DACH2: variants seen among roughly 807,000 people sequenced by gnomAD.
DACH2 encodes the protein dachshund family transcription factor 2.
A neutral mutation model predicts 35.8 loss-of-function variants in DACH2; 17 were observed. That is an observed-to-expected ratio of 0.48 (90% confidence interval 0.33 to 0.71). DACH2 has a LOEUF of 0.71. Among genes scored for constraint, DACH2 ranks in the 30% least tolerant of loss-of-function variants. The pLI, the probability that DACH2 is intolerant of heterozygous loss-of-function variation, is 0.02. For missense variants in DACH2, 469 were observed against 472.7 expected (o/e 0.99, Z 0.07); for synonymous variants, 195 against 177.3 (o/e 1.10, Z -0.79).
At chrX:86,429,701 C>T (rs1347829103) in intron 2 of DACH2, among the ~76,000 whole-genome samples, 4 of 109,917 alleles carry the variant, frequency 3.6e-5, no homozygotes, top group African/African-American at 6.6e-5. Flanking sequence ...GCTGGGATTA[C>T]GGGTGTGTGC....
chrX:86,749,693 T>A (rs2041751432), intron 7 of DACH2, among the ~76,000 whole-genome samples: 1 of 111,124 alleles, frequency 9.0e-6, no homozygotes, highest in African/African-American at 3.3e-5. Context: ...AGAGACAAAA[T>A]GTGAACAAGT....
chrX:86,181,607 C>T lies in DACH2; in HGVS notation c.488+32499C>T, dbSNP rs191413525. On this transcript the variant is annotated intron_variant, in intron 1 of 11. Coordinates refer to ENST00000373125, the MANE Select transcript of DACH2 (RefSeq NM_053281.3). Reference sequence around the variant, plus strand: ...TCATTGATGGGCATTTGGGTTGGTTCCAAGTCTTTGCTATTGTGAACAGTG... The same window carrying T: ...TCATTGATGGGCATTTGGGTTGGTTTCAAGTCTTTGCTATTGTGAACAGTG... 1.1e-4 allele frequency among the ~76,000 whole-genome samples: 12 copies of T among 111,352 alleles called. No individual in the cohort carries two copies. The East Asian group carries it at 3.4e-3, about 32-fold the overall frequency.
intron 3 of DACH2, among the ~76,000 whole-genome samples, chrX:86,522,198 G>A (rs2038564856): frequency 9.0e-6 from 1 of 111,402 alleles, no homozygotes; most frequent in Non-Finnish European, 1.9e-5. Flanking sequence ...AAAGTCTCTG[G>A]TATTAGTAAG....
intron 2 of DACH2, among the ~76,000 whole-genome samples, chrX:86,395,062 T>A (rs989795878): frequency 8.9e-6 from 1 of 111,864 alleles, no homozygotes; most frequent in Non-Finnish European, 1.9e-5. Flanking sequence ...TAAGTGCACA[T>A]CTTAGGGAAA....
chrX:86,724,835 G>T (rs2041446935), intron 6 of DACH2, among the ~76,000 whole-genome samples: 1 of 110,024 alleles, frequency 9.1e-6, no homozygotes, highest in Non-Finnish European at 1.9e-5. Flanking sequence ...CTTAAGTTTG[G>T]TTGCTTTATG....
At chrX:86,767,327 G>A (rs945903932) in intron 7 of DACH2, among the ~76,000 whole-genome samples, 2 of 111,436 alleles carry the variant, frequency 1.8e-5, no homozygotes, top group East Asian at 2.8e-4. Flanking sequence ...TTTACTTATG[G>A]CATTATTTAA....
At chrX:86,718,073 A>C (rs1278842180) in intron 6 of DACH2, among the ~76,000 whole-genome samples, 1 of 110,398 alleles carries the variant, frequency 9.1e-6, no homozygotes, top group Non-Finnish European at 1.9e-5. Flanking sequence ...TAGTTCTTTG[A>C]GAAATCTCCA....
chrX:86,797,405 T>A (rs1476230014), intron 7 of DACH2, among the ~76,000 whole-genome samples: 1 of 111,037 alleles, frequency 9.0e-6, no homozygotes, highest in Non-Finnish European at 1.9e-5. Context: ...TAGTTTTATA[T>A]TCAGTAAACA....
rs139312604 is a variant in DACH2 at position 86,690,368 on chromosome X, C to T, written c.773-4653C>T. Among the ~76,000 whole-genome samples, 52 of 111,814 alleles carry T rather than the reference C, an allele frequency of 4.7e-4. No homozygotes were observed. In the East Asian group the frequency reaches 8.2e-3, roughly 18 times the overall value. On this transcript the variant is annotated intron_variant, in intron 4 of 11. Coordinates refer to ENST00000373125, the MANE Select transcript of DACH2 (RefSeq NM_053281.3). ...GGGAAATGCGGAAGTGCTAATTAGA[C>T]AAAATTTTAGCAAATTAAAACATTA...
chrX:86,690,131 T>A (rs1009277839), intron 4 of DACH2, among the ~76,000 whole-genome samples: 5 of 112,150 alleles, frequency 4.5e-5, no homozygotes, highest in African/African-American at 1.6e-4. Context: ...CCTTCACTCA[T>A]TCTTAACAAC....
At chrX:86,643,994 C>A (rs1161512820) in intron 3 of DACH2, among the ~76,000 whole-genome samples, 2 of 111,136 alleles carry the variant, frequency 1.8e-5, no homozygotes, top group African/African-American at 6.5e-5. Flanking sequence ...TATGACAAAC[C>A]CACAGTAAAC....
chrX:86,364,819 C>T (rs1338215117), intron 1 of DACH2, among the ~76,000 whole-genome samples: 4 of 110,961 alleles, frequency 3.6e-5, no homozygotes, highest in African/African-American at 1.3e-4. Context: ...ACTGATGAAA[C>T]TTTAGGGAAA....
At chrX:86,263,081 T>C (rs2033655448) in intron 1 of DACH2, 1 of 548,502 alleles carries the variant, frequency 1.8e-6, no homozygotes, top group African/African-American at 2.6e-5. Flanking sequence ...ATCATAATAA[T>C]AGACCAGCTG....
chrX:86,284,788 C>T (rs898134420), intron 1 of DACH2, among the ~76,000 whole-genome samples: 2 of 110,953 alleles, frequency 1.8e-5, no homozygotes, highest in Non-Finnish European at 3.8e-5. Context: ...CATCTTGTTA[C>T]TTTGATCTCA....
intron 1 of DACH2, among the ~76,000 whole-genome samples, chrX:86,231,842 C>T (rs2032955057): frequency 8.9e-6 from 1 of 111,871 alleles, no homozygotes; most frequent in Admixed American, 9.4e-5. Flanking sequence ...CTCTGGCCTC[C>T]CTCCTGATGG....
intron 1 of DACH2, among the ~76,000 whole-genome samples, chrX:86,328,458 GA>G (rs2035154394): frequency 8.9e-6 from 1 of 111,744 alleles, no homozygotes; most frequent in Non-Finnish European, 1.9e-5. Flanking sequence ...ACAATTCTAA[GA>G]AACCTATTAA....
chrX:86,678,828 A>T (rs1306686601), intron 4 of DACH2, among the ~76,000 whole-genome samples: 5 of 112,433 alleles, frequency 4.4e-5, no homozygotes, highest in Non-Finnish European at 3.8e-5. Context: ...TGCTTTAAGT[A>T]GTGGTATCCC....
At chrX:86,285,456 A>C (rs764943814) in intron 1 of DACH2, among the ~76,000 whole-genome samples, 1 of 111,827 alleles carries the variant, frequency 8.9e-6, no homozygotes, top group South Asian at 3.7e-4. Context: ...CATATGGTTT[A>C]ATTTGTGTAT....
intron 6 of DACH2, among the ~76,000 whole-genome samples, chrX:86,735,051 A>G (rs1455317319): frequency 8.9e-6 from 1 of 111,984 alleles, no homozygotes; most frequent in Non-Finnish European, 1.9e-5. Flanking sequence ...CAAACTAAAT[A>G]AAAAAAGAAG....
Sources: allele counts gnomAD v4.1 joint callset (sites outside exome capture counted in the v4.1 genomes callset), GRCh38; gene constraint gnomAD v4.1.1; transcripts MANE v1.5; gene names NCBI Gene and HGNC (gene_info 2026-07-23, HGNC 2026-07-21).